The following MYH7 variants were observed in gnomAD, a reference collection of about 807,000 sequenced individuals.
MYH7 encodes myosin heavy chain 7.
Under a neutral mutation model 225.4 loss-of-function variants are expected in MYH7, and 129 were observed. The observed-to-expected ratio is 0.57, with a 90% CI of 0.50 to 0.66. The LOEUF (loss-of-function observed/expected upper bound fraction) is 0.66. Ranked by LOEUF, MYH7 falls within the 30% of genes least tolerant of loss-of-function variation. The pLI is 0.00. For missense variants in MYH7, 1,649 were observed against 2,517.0 expected, an observed-to-expected ratio of 0.66 and a Z score of 7.38; for synonymous variants, 971 against 1,007.6, an observed-to-expected ratio of 0.96 and a Z score of 0.69.
intron 7 of MYH7, 31 bp downstream of exon 7, chr14:23,431,730 G>C: frequency 6.2e-7 from 1 of 1,614,098 alleles, no homozygotes; most frequent in Non-Finnish European, 8.5e-7. Context: ...CCCTTTCTGC[G>C]GTACAGGACC....
chr14:23,416,321 G>T lies in MYH7; in HGVS notation c.4645-9C>A. On this transcript the variant is annotated splice_polypyrimidine_tract_variant and intron_variant, in intron 33 of 39. Coordinates refer to ENST00000355349, the MANE Select transcript of MYH7 (RefSeq NM_000257.4). ...TCGTGCTCCAGGGAGGCCTGGGAAG[G>T]GGTTGGGGGAGGGGATGCAGGCAGA... 1 of 1,611,770 alleles carries T rather than the reference G, an allele frequency of 6.2e-7. No homozygotes were observed. Among genetic ancestry groups the T allele is most frequent in the South Asian group, 1.1e-5 (1 of 90,792 alleles).
chr14:23,428,831 C>T (rs1043483915), intron 14 of MYH7, 124 bp downstream of exon 14: 6 of 1,577,838 alleles, frequency 3.8e-6, no homozygotes, highest in Non-Finnish European at 5.2e-6. Context: ...AAATGACTGC[C>T]TCTGTCACCA....
rs397516138 is a variant in MYH7 at position 23,425,775 on chromosome 14, T to C, written c.2206A>G (p.Ile736Val). ...TTCTCTGCCCCCTTCCTGCTATCAATGAACTGTCCCTCAGGGATGGCCGCT... is the reference window on the plus strand; with the variant it reads ...TTCTCTGCCCCCTTCCTGCTATCAACGAACTGTCCCTCAGGGATGGCCGCT... ...NPAAIPEGQF[I>V]DSRKGAEKLL... The change falls in exon 20 of 40, where the codon ATT becomes GTT. Residue 736 changes from isoleucine (I) to valine (V), a missense_variant. Physicochemically the swap from Ile to Val is conservative, Grantham distance 29. Transcript: ENST00000355349. This position sits in a 1 kb window ranked among gnomAD's most constrained non-coding sequence, Gnocchi z 4.6. 5.6e-6 allele frequency: 9 copies of C among 1,613,852 alleles called. No individual in the cohort carries two copies. Among genetic ancestry groups the C allele is most frequent in the African/African-American group, 1.3e-5 (1 of 74,918 alleles).
Position 23,423,636 on chromosome 14 carries a change from G to C in MYH7, c.3010C>G (p.Gln1004Glu), listed in dbSNP as rs730880762. 2.5e-6 allele frequency: 4 copies of C among 1,613,998 alleles called. No individual in the cohort carries two copies. Among genetic ancestry groups the C allele is most frequent in the African/African-American group, 2.7e-5 (2 of 74,896 alleles). The change falls in exon 24 of 40, where the codon CAA (glutamine) becomes GAA (glutamate). Residue 1004 changes from glutamine (Q) to glutamate (E), a missense_variant. Transcript: ENST00000355349. ...GCCTGAAGGTCATCCAGAGCCTGTT[G>C]GTGGGCCTCTTGCAGAGCTTTCTTC... ...KEKKALQEAH[Q>E]QALDDLQAEE...
chr14:23,434,338 G>T, intron 1 of MYH7, 89 bp from the exon 2 acceptor site: 2 of 887,562 alleles, frequency 2.3e-6, no homozygotes, highest in Non-Finnish European at 1.4e-6. Flanking sequence ...CTGTTCTTCA[G>T]CATCCACCCT....
At chr14:23,419,720 G>C (rs149851066) in intron 27 of MYH7, 111 bp from the exon 28 acceptor site, 2 of 1,611,644 alleles carry the variant, frequency 1.2e-6, no homozygotes, top group African/African-American at 1.3e-5. Context: ...AAAGAAGGAG[G>C]GGATCTGAGA....
At position 23,423,898 on chromosome 14, in the gene MYH7, T is replaced by C; in HGVS notation, c.2922+9A>G. ...GACCCGGGCTGGAGCCAAAGGGAGC[T>C]GCCCTTACCTTGTTCTCTGTTGCGT... On this transcript the variant is annotated intron_variant, in intron 23 of 39. Coordinates refer to ENST00000355349, the MANE Select transcript of MYH7 (RefSeq NM_000257.4). 2 of 1,613,970 alleles carry C rather than the reference T, an allele frequency of 1.2e-6. No individual in the cohort carries two copies. The highest frequency in any genetic ancestry group is 2.2e-5 in the East Asian group (1 of 44,878).
At position 23,425,494 on chromosome 14, in the gene MYH7, G is replaced by A; in HGVS notation, c.2287-76C>T. The A allele has an allele frequency of 6.2e-7, 1 of 1,609,000 alleles. No individual in the cohort carries two copies. Among genetic ancestry groups the A allele is most frequent in the South Asian group, 1.1e-5 (1 of 90,792 alleles). ...GAGATGGTGGGGATTACCTTAGGAA[G>A]GGTAACAGCCTAGAAAAGGATTGCA... On this transcript the variant is annotated intron_variant, in intron 20 of 39. Transcript: ENST00000355349. This position sits in a 1 kb window ranked among gnomAD's most constrained non-coding sequence, Gnocchi z 4.6.
chr14:23,433,565 AC>A lies in MYH7; in HGVS notation c.167del (p.Gly56ValfsTer14). ...ACTCGGTCTCGGCAGTGACTTTGCC[AC>A]CCTCTCGAGACACGATCTTGGCCTT... ...FVKAKIVSRE[G>X]GKVTAETEYG... is the part of the protein sequence containing the mutation. On this transcript the variant is annotated frameshift_variant, in exon 3 of 40. Transcript: ENST00000355349. LOFTEE classifies it high-confidence loss of function. The surrounding 1 kb of genome is among the most constrained non-coding windows in gnomAD (Gnocchi z 4.1). 1 of 1,614,128 alleles carries A rather than the reference AC, an allele frequency of 6.2e-7. No individual in the cohort carries two copies. The highest frequency in any genetic ancestry group is 8.5e-7 in the Non-Finnish European group (1 of 1,180,030).
rs938515730 is a variant in MYH7 at position 23,412,773 on chromosome 14, C to T, written c.*81G>A. On this transcript the variant is annotated 3_prime_UTR_variant, in exon 40 of 40. Transcript: ENST00000355349. ...AAGGAAAATTGCTTTATTCTGCTTC[C>T]TCCCAAGGAGCTGTTACACAGGCTC... The T allele has an allele frequency of 2.6e-6, 4 of 1,535,896 alleles. No homozygotes were observed. In the African/African-American group the frequency reaches 5.5e-5, roughly 21 times the overall value.
chr14:23,432,267 G>C (rs1892975962), intron 6 of MYH7, among the ~76,000 whole-genome samples: 1 of 152,148 alleles, frequency 6.6e-6, no homozygotes, highest in African/African-American at 2.4e-5. Context: ...GGTGAAGGAG[G>C]TGGGAGAGGA....
Position 23,427,664 on chromosome 14 carries a change from C to G in MYH7, c.1809G>C (p.Glu603Asp). 6.2e-7 allele frequency: 1 copy of G among 1,614,230 alleles called. No individual in the cohort carries two copies. Among genetic ancestry groups the G allele is most frequent in the Non-Finnish European group, 8.5e-7 (1 of 1,180,046 alleles). ...ACTTCTGATACAAGCCCACGACAGT[C>G]TCATTGAGAGGATCCTTGTTCTTCT... ...WLQKNKDPLN[E>D]TVVGLYQKSS... is the part of the protein sequence containing the mutation. The change falls in exon 16 of 40, where the codon GAG becomes GAC. Residue 603 changes from glutamate to aspartate, a missense_variant. Physicochemically the swap from Glu to Asp is conservative, Grantham distance 45 (BLOSUM62 2). Transcript: ENST00000355349.
intron 9 of MYH7, 24 bp downstream of exon 9, chr14:23,431,394 G>A (rs774533026): frequency 6.2e-7 from 1 of 1,611,364 alleles, no homozygotes; most frequent in South Asian, 1.1e-5. Flanking sequence ...CTTAGGCTGA[G>A]CCTAGCAGAT....
chr14:23,412,809 C>T lies in MYH7; in HGVS notation c.*45G>A. On this transcript the variant is annotated 3_prime_UTR_variant, in exon 40 of 40. Transcript: ENST00000355349. ...CTGTTACACAGGCTCCAGCATGGGG[C>T]TTTGCTGGCACCTCCAGGGCTGAGC... 6.2e-7 allele frequency: 1 copy of T among 1,612,052 alleles called. No homozygotes were observed. The highest frequency in any genetic ancestry group is 8.5e-7 in the Non-Finnish European group (1 of 1,178,190).
chr14:23,422,196 CCAGCTGCTGCTTGTCA>C lies in MYH7; in HGVS notation c.3213_3228del (p.Asn1071LysfsTer5). 1 of 1,613,240 alleles carries C rather than the reference CCAGCTGCTGCTTGTCA, an allele frequency of 6.2e-7. No individual in the cohort carries two copies. Among genetic ancestry groups the C allele is most frequent in the South Asian group, 1.1e-5 (1 of 91,040 alleles). On this transcript the variant is annotated frameshift_variant, in exon 25 of 40. Coordinates refer to ENST00000355349, the MANE Select transcript of MYH7 (RefSeq NM_000257.4). LOFTEE classifies it high-confidence loss of function. ...ACACAGTACTTTTTCAGCCGCTCATCCAGCTGCTGCTTGTCATTCTCCAGGTCCATGATGCTCTCCT... is the reference window on the plus strand; with the variant it reads ...ACACAGTACTTTTTCAGCCGCTCATCTTCTCCAGGTCCATGATGCTCTCCT...
intron 22 of MYH7, 93 bp downstream of exon 22, chr14:23,424,676 C>G: frequency 6.3e-7 from 1 of 1,597,684 alleles, no homozygotes; most frequent in East Asian, 2.2e-5. Flanking sequence ...ACTGAAGGAA[C>G]AAGACAGTGA....
chr14:23,420,930 G>T (rs1317563520), intron 26 of MYH7, 28 bp downstream of exon 26: 5 of 1,586,388 alleles, frequency 3.2e-6, no homozygotes, highest in Non-Finnish European at 4.3e-6. Flanking sequence ...CAGGGACTCA[G>T]CATCCCGCGT....
At chr14:23,413,041 G>C (rs1416306886) in intron 39 of MYH7, among the ~76,000 whole-genome samples, 170 bp from the exon 40 acceptor site, 2 of 152,200 alleles carry the variant, frequency 1.3e-5, no homozygotes, top group African/African-American at 4.8e-5. Context: ...TGTTCGGGGG[G>C]CAAGTTCTGG....
At position 23,415,465 on chromosome 14, in the gene MYH7, G is replaced by A. The variant is rs1383857127; in HGVS notation, c.5199C>T (p.Asp1733=). 2 of 1,614,114 alleles carry A rather than the reference G, an allele frequency of 1.2e-6. No homozygotes were observed. The change falls in exon 36 of 40, where the codon GAC becomes GAT. Residue 1733 remains aspartate (D), a synonymous_variant. Transcript: ENST00000355349. This position sits in a 1 kb window ranked among gnomAD's most constrained non-coding sequence, Gnocchi z 6.3. ...LINQKKKMDA[D]LSQLQTEVEE... ...CCACTTCAGTCTGGAGCTGGGACAG[G>A]TCAGCATCCATCTTCTTCTTCTGGT... is the stretch of plus-strand genomic sequence containing the variant.
Sources: allele counts gnomAD v4.1 joint callset (sites outside exome capture counted in the v4.1 genomes callset), GRCh38; gene constraint gnomAD v4.1.1; non-coding constraint Gnocchi (gnomAD v3.1); transcripts MANE v1.5; gene names NCBI Gene and HGNC (gene_info 2026-07-23, HGNC 2026-07-21).